Variants in PHACTR1 observed in about 807,000 individuals in gnomAD.
PHACTR1 encodes phosphatase and actin regulator 1.
In PHACTR1, 16 loss-of-function variants were observed where a neutral mutation model predicts 69.2. That is an observed-to-expected ratio of 0.23 (90% confidence interval 0.16 to 0.35). The LOEUF is 0.35. Ranked by LOEUF, PHACTR1 falls within the 10% of genes least tolerant of loss-of-function variation. The probability of loss-of-function intolerance (pLI) is 1.00; values close to 1 mark genes in which losing one functional copy is unlikely to be tolerated. For missense variants in PHACTR1, 510 were observed against 734.7 expected (o/e 0.69, Z 3.54); for synonymous variants, 312 against 284.5 (o/e 1.10, Z -0.97).
chr6:12,719,015 A>G (rs1761762834), intron 3 of PHACTR1, among the ~76,000 whole-genome samples, 168 bp downstream of exon 3: 2 of 152,356 alleles, frequency 1.3e-5, no homozygotes, highest in African/African-American at 2.4e-5. Flanking sequence ...TATATAATAG[A>G]ATAAATAAAT....
At chr6:12,948,472 A>G (rs1457053276) in intron 4 of PHACTR1, among the ~76,000 whole-genome samples, 1 of 152,204 alleles carries the variant, frequency 6.6e-6, no homozygotes, top group Non-Finnish European at 1.5e-5. Context: ...GATAACAGTA[A>G]ACTATAAGAT....
At chr6:12,992,856 A>G (rs999309443) in intron 4 of PHACTR1, among the ~76,000 whole-genome samples, 5 of 152,208 alleles carry the variant, frequency 3.3e-5, no homozygotes, top group African/African-American at 1.2e-4. Context: ...TCTGATTTAC[A>G]TAGGGCACAA....
intron 4 of PHACTR1, among the ~76,000 whole-genome samples, chr6:12,760,113 CCTT>C (rs1380417560): frequency 2.6e-5 from 4 of 152,178 alleles, no homozygotes; most frequent in African/African-American, 7.2e-5. Context: ...TTATGTTTCT[CCTT>C]CTGCTTCATG....
intron 4 of PHACTR1, among the ~76,000 whole-genome samples, chr6:12,804,153 C>T (rs2127682387): frequency 6.6e-6 from 1 of 152,308 alleles, no homozygotes; most frequent in Admixed American, 6.5e-5. Context: ...CTGGTACCAT[C>T]TTGTGGCTAT....
At chr6:12,749,606 CCT>C in intron 3 of PHACTR1, 36 bp from the exon 4 acceptor site, 1 of 1,513,996 alleles carries the variant, frequency 6.6e-7, no homozygotes, top group South Asian at 1.2e-5. Flanking sequence ...CCCCCTTCCG[CCT>C]CTCTCCCTCT....
intron 4 of PHACTR1, among the ~76,000 whole-genome samples, chr6:12,770,913 A>G (rs1206816723): frequency 1.3e-5 from 2 of 152,216 alleles, no homozygotes; most frequent in African/African-American, 4.8e-5. Flanking sequence ...TCTCCCGGAA[A>G]GGCAGAGGAG....
chr6:12,966,317 A>G (rs1279501766), intron 4 of PHACTR1, among the ~76,000 whole-genome samples: 2 of 152,188 alleles, frequency 1.3e-5, no homozygotes, highest in Non-Finnish European at 2.9e-5. Flanking sequence ...ACGACCCTAT[A>G]AGAGAGAAAG....
chr6:13,044,883 C>T (rs2127719866), intron 4 of PHACTR1, among the ~76,000 whole-genome samples: 1 of 152,286 alleles, frequency 6.6e-6, no homozygotes, highest in East Asian at 1.9e-4. Context: ...TCTTCTTGTC[C>T]TAGTGATCTA....
intron 5 of PHACTR1, among the ~76,000 whole-genome samples, chr6:13,138,503 C>T (rs1821905542): frequency 6.6e-6 from 1 of 152,200 alleles, no homozygotes; most frequent in African/African-American, 2.4e-5. Context: ...TTCCTAGGGA[C>T]ATGGCTTTGA....
intron 4 of PHACTR1, among the ~76,000 whole-genome samples, chr6:12,925,456 T>C (rs143872261): frequency 5.9e-5 from 9 of 152,362 alleles, no homozygotes; most frequent in Admixed American, 5.2e-4. Flanking sequence ...TTAATGTCTT[T>C]CTAAGGTACG....
chr6:13,023,673 C>A, intron 4 of PHACTR1, among the ~76,000 whole-genome samples: 1 of 152,204 alleles, frequency 6.6e-6, no homozygotes, highest in East Asian at 1.9e-4. Flanking sequence ...TTGATGCAGT[C>A]TCCTTGAAAC....
chr6:13,256,286 C>T (rs1433202288), intron 10 of PHACTR1, among the ~76,000 whole-genome samples: 2 of 152,256 alleles, frequency 1.3e-5, no homozygotes, highest in Non-Finnish European at 2.9e-5. Context: ...GCCCATGAAA[C>T]CATTCTTCCT....
chr6:12,842,397 A>AGGAG (rs1172108873), intron 4 of PHACTR1, among the ~76,000 whole-genome samples: 1 of 152,248 alleles, frequency 6.6e-6, no homozygotes, highest in African/African-American at 2.4e-5. Context: ...TGTTGTAAGT[A>AGGAG]GGAGGCTGTG....
intron 4 of PHACTR1, among the ~76,000 whole-genome samples, chr6:12,806,748 T>G (rs1774386711): frequency 6.6e-6 from 1 of 152,220 alleles, no homozygotes; most frequent in African/African-American, 2.4e-5. Flanking sequence ...AAAACAGATC[T>G]GCATTATACA....
At chr6:12,984,511 C>T (rs1319490333) in intron 4 of PHACTR1, among the ~76,000 whole-genome samples, 1 of 152,188 alleles carries the variant, frequency 6.6e-6, no homozygotes, top group Admixed American at 6.5e-5. Flanking sequence ...AAACATGCCA[C>T]GTCAGGGCTG....
intron 4 of PHACTR1, among the ~76,000 whole-genome samples, chr6:12,983,683 C>T (rs1795787053): frequency 6.6e-6 from 1 of 152,180 alleles, no homozygotes; most frequent in Non-Finnish European, 1.5e-5. Context: ...TCTCCCAATG[C>T]TACCCCTCCC....
At chr6:13,121,545 G>A (rs1818737051) in intron 5 of PHACTR1, among the ~76,000 whole-genome samples, 1 of 152,160 alleles carries the variant, frequency 6.6e-6, no homozygotes, top group South Asian at 2.1e-4. Context: ...TATTATCGTA[G>A]CTATTATTAT....
At chr6:13,145,568 C>T (rs975357001) in intron 5 of PHACTR1, among the ~76,000 whole-genome samples, 12 of 152,190 alleles carry the variant, frequency 7.9e-5, no homozygotes, top group African/African-American at 1.9e-4. Flanking sequence ...CTAACCCACA[C>T]GTGGCTGTAT....
intron 7 of PHACTR1, among the ~76,000 whole-genome samples, chr6:13,187,202 A>G (rs1271950069): frequency 1.3e-5 from 2 of 152,204 alleles, no homozygotes; most frequent in Non-Finnish European, 2.9e-5. Context: ...GCGGACCAGT[A>G]CAGGTTCATG....
Sources: gnomAD v4.1 joint callset for allele counts (sites outside exome capture counted in the v4.1 genomes callset) on GRCh38, gnomAD v4.1.1 for gene constraint, MANE v1.5 for transcripts, NCBI Gene and HGNC (gene_info 2026-07-23, HGNC 2026-07-21) for gene names.